ZFP64: variants seen among roughly 807,000 people sequenced by gnomAD.
ZFP64 encodes the protein zinc finger protein 64.
A neutral mutation model predicts 51.6 loss-of-function variants in ZFP64; 14 were observed. That is an observed-to-expected ratio of 0.27 (90% CI 0.18 to 0.42). ZFP64 has a LOEUF of 0.42. ZFP64 is among the 10% of genes least tolerant of loss of function. The pLI is 1.00. For synonymous variants in ZFP64, 375 were observed against 361.4 expected, an observed-to-expected ratio of 1.04 and a Z score of -0.43; for missense variants, 754 against 906.8, an observed-to-expected ratio of 0.83 and a Z score of 2.16.
At chr20:52,099,728 G>A (rs1034882586) in intron 5 of ZFP64, among the ~76,000 whole-genome samples, 1 of 152,236 alleles carries the variant, frequency 6.6e-6, no homozygotes, top group Non-Finnish European at 1.5e-5. Context: ...GGCAGGGAGA[G>A]AGCTGGCATA....
chr20:52,152,723 G>A lies in ZFP64; in HGVS notation c.1469C>T (p.Pro490Leu). 2 of 1,570,946 alleles carry A rather than the reference G, an allele frequency of 1.3e-6. No individual in the cohort carries two copies. The highest frequency in any genetic ancestry group is 1.7e-6 in the Non-Finnish European group (2 of 1,157,112). ...TTTGACTCTTCCCTCGCTGAACTGG[G>A]GCACTTGGCTGGGCTGGAGGGGCAC... ...LQVPLQPSQV[P>L]QFSEGRVKII... Residue 490 changes from proline (P) to leucine (L), a missense_variant, in exon 6 of 6, where the codon CCC (proline) becomes CTC (leucine). Pro to Leu is a moderately conservative substitution (Grantham distance 98). Coordinates refer to ENST00000216923, the MANE Select transcript of ZFP64 (RefSeq NM_018197.3).
chr20:52,175,864 G>GGGC, intron 2 of ZFP64: 15 of 256,916 alleles, frequency 5.8e-5, no homozygotes, highest in Non-Finnish European at 6.2e-5. Flanking sequence ...CCCCGCTGCC[G>GGGC]CCCCCGCCCC....
intron 5 of ZFP64, chr20:52,105,217 G>GA (rs775958547): frequency 7.3e-7 from 1 of 1,375,514 alleles, no homozygotes; most frequent in East Asian, 3.0e-5. Flanking sequence ...GCTGGGGCTT[G>GA]GCCTGCTTGC....
In ZFP64 at chr20:52,085,342, C is replaced by T. The variant is rs2078853260; in HGVS notation, c.1229-76G>A. On this transcript the variant is annotated intron_variant, in intron 8 of 8. Coordinates refer to the ZFP64 transcript ENST00000361387. This position sits in a 1 kb window ranked among gnomAD's most constrained non-coding sequence, Gnocchi z 4.3. ...TCCCACCCCAACCTGCCTTAGCACACTTGGCCGCCATGAGATGGTTGGGTT... is the reference window on the plus strand; with the variant it reads ...TCCCACCCCAACCTGCCTTAGCACATTTGGCCGCCATGAGATGGTTGGGTT... The T allele has an allele frequency of 1.4e-6, 2 of 1,445,108 alleles. No homozygotes were observed. The highest frequency in any genetic ancestry group is 1.9e-6 in the Non-Finnish European group (2 of 1,078,598). The allele number at this position is 1,445,108 out of a possible 1,614,324, so 89.5% of individuals were successfully genotyped here. A position where few individuals can be genotyped will look rare whatever the true frequency, so the allele number is the denominator to read the frequency against.
At chr20:52,088,539 G>C in exon 8 of ZFP64, 1 of 1,614,192 alleles carries the variant, frequency 6.2e-7, no homozygotes, top group African/African-American at 1.3e-5. Context: ...TCACACAGGT[G>C]ACACTTGTGT....
chr20:52,114,977 C>G (rs930296107), intron 5 of ZFP64, among the ~76,000 whole-genome samples: 1 of 152,004 alleles, frequency 6.6e-6, no homozygotes, highest in African/African-American at 2.4e-5. Context: ...GCAGGCAGAT[C>G]ACGAGGTCAG....
intron 1 of ZFP64, among the ~76,000 whole-genome samples, chr20:52,189,054 T>C (rs1984183517): frequency 6.6e-6 from 1 of 152,180 alleles, no homozygotes; most frequent in South Asian, 2.1e-4. Context: ...TCACTCAATA[T>C]TTCCATCTCT....
intron 2 of ZFP64, chr20:52,175,857 C>CCA: frequency 5.3e-6 from 2 of 376,070 alleles, no homozygotes; most frequent in Non-Finnish European, 3.6e-6. Context: ...CCCGCACCCC[C>CCA]GCTGCCGCCC....
At chr20:52,098,587 G>C in exon 6 of ZFP64, 1 of 1,614,102 alleles carries the variant, frequency 6.2e-7, no homozygotes, top group Non-Finnish European at 8.5e-7. Context: ...AAGTTCTGAA[G>C]CTGAAATTGA....
intron 5 of ZFP64, among the ~76,000 whole-genome samples, chr20:52,125,968 G>A (rs534228433): frequency 7.9e-5 from 12 of 151,866 alleles, no homozygotes; most frequent in Middle Eastern, 3.4e-3. Context: ...TGCAACCTCC[G>A]CGCCCTGGGT....
chr20:52,108,248 G>A (rs1978363333), intron 5 of ZFP64, among the ~76,000 whole-genome samples: 1 of 152,008 alleles, frequency 6.6e-6, no homozygotes, highest in African/African-American at 2.4e-5. Context: ...AACCCAAAAT[G>A]TGAAGCCCAT....
chr20:52,163,888 CT>C (rs1254426442), intron 4 of ZFP64, among the ~76,000 whole-genome samples: 2 of 152,100 alleles, frequency 1.3e-5, no homozygotes, highest in African/African-American at 4.8e-5. Context: ...GAAATCATCA[CT>C]TTTTTCTTTT....
intron 4 of ZFP64, among the ~76,000 whole-genome samples, chr20:52,161,450 C>CTTTTTTTTTT (rs11469696): frequency 1.2e-3 from 141 of 115,154 alleles, no homozygotes; most frequent in African/African-American, 4.5e-3. Flanking sequence ...TGATTGCTTT[C>CTTTTTTTTTT]TTTTTTTTTT....
intron 7 of ZFP64, among the ~76,000 whole-genome samples, chr20:52,093,431 C>T (rs557175287): frequency 5.3e-4 from 80 of 152,312 alleles, no homozygotes; most frequent in Non-Finnish European, 9.4e-4. Context: ...TGAGCCACTG[C>T]GCCCAGCCAT....
chr20:52,186,139 T>C (rs1403813518), intron 2 of ZFP64, among the ~76,000 whole-genome samples: 1 of 152,196 alleles, frequency 6.6e-6, no homozygotes, highest in Non-Finnish European at 1.5e-5. Flanking sequence ...AGCTAAGGAA[T>C]ACATTCTCTG....
exon 6 of ZFP64, chr20:52,098,552 A>C (rs2079016975): frequency 6.2e-7 from 1 of 1,614,006 alleles, no homozygotes; most frequent in South Asian, 1.1e-5. Flanking sequence ...GTGGAGAGGC[A>C]GTTTGCTTTT....
chr20:52,177,744 C>T (rs1013166648), intron 2 of ZFP64, among the ~76,000 whole-genome samples: 2 of 152,022 alleles, frequency 1.3e-5, no homozygotes, highest in African/African-American at 4.8e-5. Flanking sequence ...TTGTTAAGAG[C>T]AACAGAGGCC....
At chr20:52,187,223 C>T (rs1443567888) in intron 1 of ZFP64, 152 bp from the exon 2 acceptor site, 2 of 742,696 alleles carry the variant, frequency 2.7e-6, no homozygotes, top group Admixed American at 2.8e-5. Flanking sequence ...CTGCGAACTG[C>T]ATCCTAATTG....
intron 5 of ZFP64, among the ~76,000 whole-genome samples, chr20:52,127,590 G>A (rs1026050537): frequency 6.6e-6 from 1 of 152,080 alleles, no homozygotes; most frequent in Non-Finnish European, 1.5e-5. Context: ...ACTTTCCTGA[G>A]GCCTCCCCAG....
Sources: gnomAD v4.1 joint callset for allele counts (sites outside exome capture counted in the v4.1 genomes callset) on GRCh38, gnomAD v4.1.1 for gene constraint, Gnocchi (gnomAD v3.1) non-coding constraint, MANE v1.5 for transcripts, NCBI Gene and HGNC (gene_info 2026-07-23, HGNC 2026-07-21) for gene names.